NKAIN3: variants seen among roughly 807,000 people sequenced by gnomAD.
NKAIN3 encodes the protein sodium/potassium-transporting ATPase subunit beta-1-interacting protein 3.
NKAIN3 carries 25 observed loss-of-function variants against 30.2 expected under a neutral mutation model. The observed-to-expected ratio is 0.83, with a 90% CI of 0.60 to 1.16. NKAIN3 has a LOEUF of 1.16. Among genes scored for constraint, NKAIN3 ranks in the 50% most tolerant of loss-of-function variants. The pLI is 0.00. For synonymous variants in NKAIN3, 91 were observed against 89.6 expected, an observed-to-expected ratio of 1.02 and a Z score of -0.09; for missense variants, 225 against 254.1, an observed-to-expected ratio of 0.89 and a Z score of 0.78.
intron 3 of NKAIN3, among the ~76,000 whole-genome samples, chr8:62,699,858 G>A (rs1206478015): frequency 6.6e-6 from 1 of 152,180 alleles, no homozygotes; most frequent in East Asian, 1.9e-4. Context: ...TTAAGAACAA[G>A]AATGTTAAAG....
intron 1 of NKAIN3, among the ~76,000 whole-genome samples, chr8:62,554,522 G>A (rs1222013833): frequency 2.0e-5 from 3 of 152,060 alleles, no homozygotes; most frequent in African/African-American, 7.2e-5. Flanking sequence ...AATTTCTCCT[G>A]AATATTCACG....
intron 4 of NKAIN3, among the ~76,000 whole-genome samples, chr8:62,883,223 T>C (rs1821041100): frequency 6.6e-6 from 1 of 152,280 alleles, no homozygotes; most frequent in Admixed American, 6.5e-5. Flanking sequence ...ATTTAGTCTT[T>C]TGATTTCTTT....
chr8:62,423,099 G>A (rs1804694968), intron 1 of NKAIN3, among the ~76,000 whole-genome samples: 1 of 151,920 alleles, frequency 6.6e-6, no homozygotes. Flanking sequence ...CCACAATGTC[G>A]GCCTGGAAGT....
At chr8:62,702,000 C>A (rs1387049429) in intron 3 of NKAIN3, among the ~76,000 whole-genome samples, 1 of 152,194 alleles carries the variant, frequency 6.6e-6, no homozygotes, top group African/African-American at 2.4e-5. Context: ...CAGCGGCTAA[C>A]AGTAGCCACC....
intron 4 of NKAIN3, among the ~76,000 whole-genome samples, chr8:62,800,079 G>A (rs952302714): frequency 3.9e-5 from 6 of 152,120 alleles, no homozygotes; most frequent in African/African-American, 1.2e-4. Flanking sequence ...AGGGATAAAA[G>A]ACTATAAATT....
chr8:62,402,096 C>CT (rs1440637805), intron 1 of NKAIN3, among the ~76,000 whole-genome samples: 3 of 152,156 alleles, frequency 2.0e-5, no homozygotes, highest in African/African-American at 7.2e-5. Flanking sequence ...ACCTGGTGCT[C>CT]TTTTTTTATT....
At chr8:62,450,333 G>C (rs1389491114) in intron 1 of NKAIN3, among the ~76,000 whole-genome samples, 1 of 152,222 alleles carries the variant, frequency 6.6e-6, no homozygotes, top group East Asian at 1.9e-4. Flanking sequence ...CATTCAAAAA[G>C]TATGGTTTTC....
intron 1 of NKAIN3, among the ~76,000 whole-genome samples, chr8:62,320,603 A>T (rs200366025): frequency 6.6e-6 from 1 of 152,012 alleles, no homozygotes; most frequent in Non-Finnish European, 1.5e-5. Context: ...GCTTAGTTTG[A>T]CTGGATATGA....
intron 5 of NKAIN3, among the ~76,000 whole-genome samples, chr8:62,935,306 A>G (rs1009772347): frequency 3.3e-5 from 5 of 152,166 alleles, no homozygotes; most frequent in African/African-American, 1.2e-4. Flanking sequence ...TGGAAATAAC[A>G]GTTAATGAGA....
chr8:62,878,559 C>T (rs948938269), intron 4 of NKAIN3, among the ~76,000 whole-genome samples: 12 of 151,812 alleles, frequency 7.9e-5, no homozygotes, highest in African/African-American at 2.7e-4. Flanking sequence ...ACATGTGCAA[C>T]GTGCAGGTTT....
chr8:62,437,928 G>C (rs1328296690), intron 1 of NKAIN3, among the ~76,000 whole-genome samples: 1 of 152,182 alleles, frequency 6.6e-6, no homozygotes, highest in Non-Finnish European at 1.5e-5. Flanking sequence ...AGAAAATATA[G>C]CAGAGGTTTA....
rs183729575 is a variant in NKAIN3, at chr8:62,434,429, C to A, written c.55-145110C>A. 9.2e-5 allele frequency among the ~76,000 whole-genome samples: 14 copies of A among 152,174 alleles called. No individual in the cohort carries two copies. The East Asian group carries it at 2.5e-3, about 27-fold the overall frequency. On this transcript the variant is annotated intron_variant, in intron 1 of 6. Coordinates refer to ENST00000623646, the MANE Select transcript of NKAIN3 (RefSeq NM_001304533.3). ...GCTTTTCAGCCCTGAGAAGGTCCTG[C>A]GAGGCAGGAGGATCGTTTTCTTTGA...
At chr8:62,337,484 A>G (rs931680237) in intron 1 of NKAIN3, among the ~76,000 whole-genome samples, 2 of 152,022 alleles carry the variant, frequency 1.3e-5, no homozygotes, top group Non-Finnish European at 2.9e-5. Flanking sequence ...AGGCACTCCT[A>G]TAAGGAGTGT....
rs1013322722 is a variant in NKAIN3, at chr8:62,978,633, G to A, written c.*13226G>A. 4 of 152,544 alleles carry A rather than the reference G, an allele frequency of 2.6e-5. No homozygotes were observed. The highest frequency in any genetic ancestry group is 2.6e-4 in the Admixed American group (4 of 15,284). 9.4% of individuals were successfully genotyped at this position (152,544 alleles called of 1,614,324 possible). A position where few individuals can be genotyped will look rare whatever the true frequency, so the allele number is the denominator to read the frequency against. On this transcript the variant is annotated 3_prime_UTR_variant, in exon 7 of 7. Coordinates refer to ENST00000623646, the MANE Select transcript of NKAIN3 (RefSeq NM_001304533.3). ...CTGGAAGTAAGAATTTCAATCCAGT[G>A]GATCTTAGCTTTCTGGGCTCCATGG...
At chr8:62,792,969 A>T (rs1046466778) in intron 4 of NKAIN3, among the ~76,000 whole-genome samples, 2 of 152,108 alleles carry the variant, frequency 1.3e-5, no homozygotes, top group Admixed American at 1.3e-4. Context: ...CCAAGGTGAT[A>T]TACATAGGGT....
chr8:62,816,566 C>T (rs557593028), intron 4 of NKAIN3, among the ~76,000 whole-genome samples: 1 of 152,244 alleles, frequency 6.6e-6, no homozygotes, highest in South Asian at 2.1e-4. Context: ...GGAGTACATA[C>T]ATTAGCTCCT....
intron 1 of NKAIN3, among the ~76,000 whole-genome samples, chr8:62,349,246 A>T (rs939655822): frequency 3.9e-5 from 6 of 152,168 alleles, no homozygotes; most frequent in African/African-American, 1.4e-4. Context: ...GTGGAAGTGC[A>T]GCAAGGGGAT....
intron 1 of NKAIN3, among the ~76,000 whole-genome samples, chr8:62,360,362 C>T (rs1470963017): frequency 3.3e-5 from 5 of 152,118 alleles, no homozygotes; most frequent in African/African-American, 1.2e-4. Flanking sequence ...ATCACTGTTT[C>T]ATAACAGCTT....
chr8:62,303,824 C>T (rs981877541), intron 1 of NKAIN3, among the ~76,000 whole-genome samples: 1 of 150,532 alleles, frequency 6.6e-6, no homozygotes, highest in Non-Finnish European at 1.5e-5. Context: ...ATTTTTAATA[C>T]TGTAAGATTA....
Sources: allele counts gnomAD v4.1 joint callset (sites outside exome capture counted in the v4.1 genomes callset), GRCh38; gene constraint gnomAD v4.1.1; transcripts MANE v1.5; gene names NCBI Gene and HGNC (gene_info 2026-07-23, HGNC 2026-07-21).